Variants in MTMR12 observed in about 807,000 individuals in gnomAD.
MTMR12 encodes myotubularin-related protein 12.
A neutral mutation model predicts 96.7 loss-of-function variants in MTMR12; 33 were observed. The observed-to-expected ratio is 0.34, with a 90% CI of 0.26 to 0.46. The LOEUF is 0.46. Ranked by LOEUF, MTMR12 falls within the 20% of genes least tolerant of loss-of-function variation. The pLI, the probability that MTMR12 is intolerant of heterozygous loss-of-function variation, is 1.00. For missense variants in MTMR12, 721 were observed against 896.1 expected (o/e 0.80, Z 2.49); for synonymous variants, 298 against 327.2 (o/e 0.91, Z 0.96).
intron 8 of MTMR12, among the ~76,000 whole-genome samples, chr5:32,250,293 G>A (rs577168499): frequency 6.0e-4 from 92 of 152,288 alleles, no homozygotes; most frequent in Non-Finnish European, 8.8e-4. Context: ...GGGAGCTGAT[G>A]GTCTGCTGCA....
chr5:32,292,595 G>A (rs1213498869), intron 1 of MTMR12, among the ~76,000 whole-genome samples: 1 of 152,180 alleles, frequency 6.6e-6, no homozygotes, highest in Non-Finnish European at 1.5e-5. Context: ...CCATAATGGA[G>A]GTAAGGAAGA....
At chr5:32,232,501 G>A (rs927372375) in intron 15 of MTMR12, among the ~76,000 whole-genome samples, 8 of 152,200 alleles carry the variant, frequency 5.3e-5, no homozygotes, top group Non-Finnish European at 1.2e-4. Context: ...ATTATTGGAA[G>A]GGGGAGCCTT....
At chr5:32,293,441 C>T (rs1005599574) in intron 1 of MTMR12, among the ~76,000 whole-genome samples, 2 of 152,188 alleles carry the variant, frequency 1.3e-5, no homozygotes, top group African/African-American at 4.8e-5. Flanking sequence ...AAACATCAGA[C>T]GCCAAGTTCT....
intron 1 of MTMR12, among the ~76,000 whole-genome samples, chr5:32,287,375 A>C (rs1217046459): frequency 6.6e-6 from 1 of 152,228 alleles, no homozygotes; most frequent in Non-Finnish European, 1.5e-5. Context: ...CTCGCAGCCT[A>C]CATCTTTCTC....
chr5:32,273,851 T>C, intron 3 of MTMR12, 129 bp downstream of exon 3: 4 of 1,342,000 alleles, frequency 3.0e-6, no homozygotes, highest in Non-Finnish European at 4.1e-6. Context: ...AGTTCATACA[T>C]TCAGGATTTC....
intron 4 of MTMR12, 24 bp downstream of exon 4, chr5:32,271,809 C>A (rs746762240): frequency 2.7e-6 from 4 of 1,466,556 alleles, no homozygotes; most frequent in Admixed American, 4.2e-5. Context: ...GTTGCCAACA[C>A]CCCAGGGAAA....
At chr5:32,250,774 T>A (rs965424679) in intron 8 of MTMR12, among the ~76,000 whole-genome samples, 1 of 152,156 alleles carries the variant, frequency 6.6e-6, no homozygotes, top group African/African-American at 2.4e-5. Context: ...TAATAACTCC[T>A]AATCATAACT....
chr5:32,273,610 T>C (rs918586046), intron 3 of MTMR12, among the ~76,000 whole-genome samples: 8 of 152,166 alleles, frequency 5.3e-5, no homozygotes, highest in African/African-American at 7.2e-5. Flanking sequence ...AGTAAGCCAG[T>C]ATGACATGAG....
At position 32,235,067 on chromosome 5, in the gene MTMR12, T is replaced by C. The variant is rs1201732545; in HGVS notation, c.1407A>G (p.Ala469=). The C allele has an allele frequency of 1.9e-6, 3 of 1,613,996 alleles. No individual in the cohort carries two copies. Among genetic ancestry groups the C allele is most frequent in the South Asian group, 1.1e-5 (1 of 91,076 alleles). Residue 469 remains alanine (A), a synonymous_variant, in exon 14 of 16, where the codon GCA becomes GCG. Coordinates refer to ENST00000382142, the MANE Select transcript of MTMR12 (RefSeq NM_001040446.3). ...VWQLVHQHPP[A]FEFTETYLTV... ...TCAGGTAAGTCTCTGTGAATTCAAA[T>C]GCCGGGGGATGCTGGTGCACCAGCT...
chr5:32,230,005 T>G lies in MTMR12; in HGVS notation c.2017A>C (p.Ser673Arg). Residue 673 changes from serine to arginine, a missense_variant, in exon 16 of 16, where the codon AGT becomes CGT. Physicochemically the swap from Ser to Arg is moderately radical, Grantham distance 110 (BLOSUM62 -1). Transcript: ENST00000382142. ...CTCTCGTCGATCTTCTCTTGTAAAC[T>G]CTGGACTTCCTCCATCATTTCCAAG... ...KLLEMMEEVQ[S>R]LQEKIDERHH... The G allele has an allele frequency of 6.2e-7, 1 of 1,613,556 alleles. No individual in the cohort carries two copies.
intron 3 of MTMR12, among the ~76,000 whole-genome samples, chr5:32,272,800 T>C (rs1460889155): frequency 6.6e-6 from 1 of 152,100 alleles, no homozygotes; most frequent in Non-Finnish European, 1.5e-5. Flanking sequence ...GAACAGGGGA[T>C]TGACAGAGCT....
chr5:32,249,147 G>GACA (rs979853683), intron 8 of MTMR12, among the ~76,000 whole-genome samples: 4 of 152,310 alleles, frequency 2.6e-5, no homozygotes, highest in South Asian at 2.1e-4. Context: ...CCCAGATGAT[G>GACA]ACAACAACAA....
chr5:32,311,222 T>C (rs1025462013), intron 1 of MTMR12, among the ~76,000 whole-genome samples: 3 of 152,206 alleles, frequency 2.0e-5, no homozygotes, highest in Admixed American at 6.5e-5. Flanking sequence ...TTTAAATGTT[T>C]AAATGTTTTA....
intron 13 of MTMR12, among the ~76,000 whole-genome samples, chr5:32,238,283 C>A (rs1389605513): frequency 2.6e-5 from 4 of 152,092 alleles, no homozygotes; most frequent in Admixed American, 2.0e-4. Context: ...TGGCTCACTG[C>A]AGCTTTGACC....
intron 1 of MTMR12, among the ~76,000 whole-genome samples, chr5:32,303,098 A>G (rs1240574891): frequency 1.3e-5 from 2 of 152,254 alleles, no homozygotes; most frequent in African/African-American, 4.8e-5. Flanking sequence ...AAACTTCTGA[A>G]TAACAACAAT....
At chr5:32,236,640 G>A (rs975021981) in intron 13 of MTMR12, among the ~76,000 whole-genome samples, 4 of 151,838 alleles carry the variant, frequency 2.6e-5, no homozygotes, top group Admixed American at 1.3e-4. Context: ...TCAAGAGTTC[G>A]ATACCTGACC....
chr5:32,291,645 C>T (rs938182179), intron 1 of MTMR12, among the ~76,000 whole-genome samples: 1 of 152,186 alleles, frequency 6.6e-6, no homozygotes, highest in Admixed American at 6.5e-5. Context: ...CCACCTCTGT[C>T]ATCACACAAT....
At chr5:32,257,913 T>A (rs1749204931) in intron 7 of MTMR12, among the ~76,000 whole-genome samples, 1 of 152,044 alleles carries the variant, frequency 6.6e-6, no homozygotes, top group South Asian at 2.1e-4. Context: ...ACTAAAAATA[T>A]AAAAATACAA....
intron 6 of MTMR12, among the ~76,000 whole-genome samples, chr5:32,267,122 A>G (rs1250745211): frequency 6.6e-6 from 1 of 151,724 alleles, no homozygotes; most frequent in Non-Finnish European, 1.5e-5. Flanking sequence ...TGAACCTGTA[A>G]TCCCATCACT....
Sources: gnomAD v4.1 joint callset for allele counts (sites outside exome capture counted in the v4.1 genomes callset) on GRCh38, gnomAD v4.1.1 for gene constraint, MANE v1.5 for transcripts, NCBI Gene and HGNC (gene_info 2026-07-23, HGNC 2026-07-21) for gene names.